Variants in RASSF8 observed in about 807,000 individuals in gnomAD.
The protein encoded by RASSF8 is ras association domain-containing protein 8.
RASSF8 carries 22 observed loss-of-function variants against 48.5 expected under a neutral mutation model. That is an observed-to-expected ratio of 0.45 (90% confidence interval 0.32 to 0.65). RASSF8 has a LOEUF of 0.65. RASSF8 is among the 30% of genes least tolerant of loss of function. The probability of loss-of-function intolerance (pLI) is 0.03; values close to 1 mark genes in which losing one functional copy is unlikely to be tolerated. For missense variants in RASSF8, 418 were observed against 489.2 expected (o/e 0.85, Z 1.37); for synonymous variants, 127 against 171.5 (o/e 0.74, Z 2.03).
chr12:26,016,911 T>C (rs924563711), intron 2 of RASSF8, among the ~76,000 whole-genome samples: 1 of 152,222 alleles, frequency 6.6e-6, no homozygotes, highest in African/African-American at 2.4e-5. Flanking sequence ...TAGTGGTTTG[T>C]AAAATTGACC....
chr12:25,980,339 C>T (rs1941711169), intron 1 of RASSF8, among the ~76,000 whole-genome samples: 1 of 152,036 alleles, frequency 6.6e-6, no homozygotes, highest in South Asian at 2.1e-4. Context: ...GCCATATATA[C>T]AACAAAATGG....
At chr12:26,022,179 G>A (rs752737089) in intron 2 of RASSF8, among the ~76,000 whole-genome samples, 4 of 152,144 alleles carry the variant, frequency 2.6e-5, no homozygotes, top group Admixed American at 6.5e-5. Flanking sequence ...AAAGCTGAGC[G>A]GGATACCAGA....
chr12:25,962,600 T>A (rs531359918), intron 1 of RASSF8, among the ~76,000 whole-genome samples: 1 of 151,264 alleles, frequency 6.6e-6, no homozygotes, highest in Admixed American at 6.6e-5. Context: ...ATCTTTATCT[T>A]TTTTTTTTGA....
At chr12:25,990,041 G>A (rs914930408) in intron 1 of RASSF8, among the ~76,000 whole-genome samples, 6 of 151,904 alleles carry the variant, frequency 3.9e-5, no homozygotes, top group African/African-American at 1.5e-4. Flanking sequence ...GTCTGAACTG[G>A]GCAGAGTGGT....
At chr12:25,979,788 G>A (rs1251392315) in intron 1 of RASSF8, among the ~76,000 whole-genome samples, 1 of 152,184 alleles carries the variant, frequency 6.6e-6, no homozygotes, top group Non-Finnish European at 1.5e-5. Context: ...CCATGTTCCT[G>A]TTGGTGCTGT....
downstream of RASSF8, among the ~76,000 whole-genome samples, chr12:26,073,475 G>A (rs1377320591): frequency 2.6e-5 from 4 of 152,056 alleles, no homozygotes; most frequent in Admixed American, 6.6e-5. Flanking sequence ...AGTGGCTCAC[G>A]CCTATAATCC....
Position 25,958,770 on chromosome 12 carries a change from G to T in RASSF8, c.-581G>T, listed in dbSNP as rs1195592366. Among the ~76,000 whole-genome samples the T allele has an allele frequency of 6.8e-6, 1 of 146,670 alleles. No individual in the cohort carries two copies. Among genetic ancestry groups the T allele is most frequent in the African/African-American group, 2.4e-5 (1 of 40,872 alleles). ...GCGCTCGTCCGGCGCCCCGCGCCGC[G>T]CCCCGCTCAGCGTCTGCCGCCCAGC... On this transcript the variant is annotated 5_prime_UTR_variant, in exon 1 of 6. Transcript: ENST00000689635.
intron 2 of RASSF8, among the ~76,000 whole-genome samples, chr12:26,039,624 A>G (rs1672096471): frequency 6.6e-6 from 1 of 152,190 alleles, no homozygotes; most frequent in South Asian, 2.1e-4. Context: ...CCTGTTGCCT[A>G]TTGCATAAAC....
chr12:26,010,130 AATCCATTCTGAG>A (rs1942487839), intron 2 of RASSF8, among the ~76,000 whole-genome samples: 1 of 152,240 alleles, frequency 6.6e-6, no homozygotes, highest in Admixed American at 6.5e-5. Flanking sequence ...ACCAATGCCT[AATCCATTCTGAG>A]GCCTTGGGAC....
At chr12:26,042,545 G>T (rs532438178) in intron 2 of RASSF8, among the ~76,000 whole-genome samples, 2 of 152,140 alleles carry the variant, frequency 1.3e-5, no homozygotes, top group African/African-American at 4.8e-5. Flanking sequence ...TGTTTTTAGG[G>T]AGTAAAAGGC....
At chr12:25,982,118 G>A (rs1037307218) in intron 1 of RASSF8, among the ~76,000 whole-genome samples, 2 of 152,146 alleles carry the variant, frequency 1.3e-5, no homozygotes, top group Non-Finnish European at 2.9e-5. Flanking sequence ...TATGCTGAAT[G>A]ATACAGTGTT....
intron 2 of RASSF8, among the ~76,000 whole-genome samples, chr12:26,046,138 T>G (rs2137185597): frequency 6.6e-6 from 1 of 152,340 alleles, no homozygotes; most frequent in African/African-American, 2.4e-5. Flanking sequence ...CTAAGTCTGA[T>G]TTGAACACCA....
intron 2 of RASSF8, among the ~76,000 whole-genome samples, chr12:26,030,232 T>C: frequency 6.6e-6 from 1 of 152,280 alleles, no homozygotes; most frequent in East Asian, 1.9e-4. Flanking sequence ...TTTCCCCCCA[T>C]GATCCAAATA....
intron 2 of RASSF8, among the ~76,000 whole-genome samples, chr12:26,025,399 T>C (rs986150234): frequency 6.6e-6 from 1 of 151,198 alleles, no homozygotes; most frequent in African/African-American, 2.4e-5. Flanking sequence ...CTACTAAAAA[T>C]ACAAAAAATT....
At chr12:26,075,356 A>T (rs1190626505), downstream of RASSF8, among the ~76,000 whole-genome samples, 1 of 152,192 alleles carries the variant, frequency 6.6e-6, no homozygotes, top group Non-Finnish European at 1.5e-5. Flanking sequence ...TGGAGAATAG[A>T]ATATGTATTC....
intron 1 of RASSF8, among the ~76,000 whole-genome samples, chr12:25,968,349 A>T (rs868259471): frequency 5.3e-5 from 8 of 151,752 alleles, no homozygotes; most frequent in Middle Eastern, 6.8e-3. Flanking sequence ...TTATTTATTT[A>T]TTTATTTTTT....
At chr12:26,066,348 G>A (rs1943874902) in intron 4 of RASSF8, among the ~76,000 whole-genome samples, 1 of 152,162 alleles carries the variant, frequency 6.6e-6, no homozygotes, top group Non-Finnish European at 1.5e-5. Flanking sequence ...TAATACCTGT[G>A]TACAGTGAGG....
chr12:26,033,179 A>C (rs1313360798), intron 2 of RASSF8, among the ~76,000 whole-genome samples: 1 of 152,332 alleles, frequency 6.6e-6, no homozygotes, highest in Middle Eastern at 3.4e-3. Context: ...ACCAGAGGGG[A>C]TCAAGTTGAT....
intron 4 of RASSF8, among the ~76,000 whole-genome samples, chr12:26,065,909 A>C (rs994637918): frequency 3.9e-5 from 6 of 152,162 alleles, no homozygotes; most frequent in African/African-American, 1.2e-4. Flanking sequence ...TTCACATACG[A>C]GAAGTTCTAT....
Sources: gnomAD v4.1 joint callset for allele counts (sites outside exome capture counted in the v4.1 genomes callset) on GRCh38, gnomAD v4.1.1 for gene constraint, MANE v1.5 for transcripts, NCBI Gene and HGNC (gene_info 2026-07-23, HGNC 2026-07-21) for gene names.